Variants in SBNO2 observed in about 807,000 individuals in gnomAD.
SBNO2 encodes strawberry notch homolog 2.
In SBNO2, 89 loss-of-function variants were observed where a neutral mutation model predicts 146.3. The observed-to-expected ratio is 0.61, with a 90% CI of 0.51 to 0.73. The LOEUF (loss-of-function observed/expected upper bound fraction) is 0.73. SBNO2 is among the 30% of genes least tolerant of loss of function. The pLI is 0.00. For synonymous variants in SBNO2, 1,147 were observed against 892.6 expected (o/e 1.29, Z -5.08); for missense variants, 2,092 against 2,003.7 (o/e 1.04, Z -0.84).
At chr19:1,145,828 C>A (rs371063351) in intron 4 of SBNO2, among the ~76,000 whole-genome samples, 7 of 152,246 alleles carry the variant, frequency 4.6e-5, no homozygotes, top group Admixed American at 2.0e-4. Flanking sequence ...AGCCCCTGTG[C>A]GCACCTCGCT....
At chr19:1,152,053 C>T (rs894705521) in intron 2 of SBNO2, among the ~76,000 whole-genome samples, 1 of 152,208 alleles carries the variant, frequency 6.6e-6, no homozygotes, top group African/African-American at 2.4e-5. Context: ...CAGAGGTGTC[C>T]ATGACGTACC....
chr19:1,113,753 G>A, intron 18 of SBNO2, 49 bp from the exon 19 acceptor site: 1 of 1,421,226 alleles, frequency 7.0e-7, no homozygotes, highest in Non-Finnish European at 9.2e-7. Flanking sequence ...CTGCCTTCTA[G>A]GGCCCACCTA....
In SBNO2 at chr19:1,108,404, T is replaced by C. The variant is rs1477275108; in HGVS notation, c.3917A>G (p.Gln1306Arg). 16 of 1,277,404 alleles carry C rather than the reference T, an allele frequency of 1.3e-5. No individual in the cohort carries two copies. Among genetic ancestry groups the C allele is most frequent in the Non-Finnish European group, 1.6e-5 (16 of 1,006,578 alleles). The allele number at this position is 1,277,404 out of a possible 1,614,324, so 79.1% of individuals were successfully genotyped here. Residue 1306 changes from glutamine (Q) to arginine (R), a missense_variant, in exon 32 of 32, where the codon CAG (glutamine) becomes CGG (arginine). Gln to Arg is a conservative substitution (Grantham distance 43). Transcript: ENST00000361757. Reference protein sequence around the residue: ...AQADPAALAHQGCDINFKEVL... With the variant: ...AQADPAALAHRGCDINFKEVL... ...CTCCTTGAAGTTGATGTCGCAGCCCTGGTGCGCGAGGGCCGCAGGGTCGGC... is the reference window on the plus strand; with the variant it reads ...CTCCTTGAAGTTGATGTCGCAGCCCCGGTGCGCGAGGGCCGCAGGGTCGGC...
chr19:1,121,857 G>C (rs893008396), intron 11 of SBNO2, among the ~76,000 whole-genome samples: 2 of 152,190 alleles, frequency 1.3e-5, no homozygotes, highest in Non-Finnish European at 2.9e-5. Flanking sequence ...AATGATGATG[G>C]TCACTTGTGT....
At chr19:1,124,388 G>C (rs1019716396) in intron 5 of SBNO2, among the ~76,000 whole-genome samples, 1 of 152,230 alleles carries the variant, frequency 6.6e-6, no homozygotes. Flanking sequence ...ACAGGGGTCT[G>C]ACAGGAGAGA....
At position 1,144,913 on chromosome 19, in the gene SBNO2, G is replaced by A. The variant is rs1306073988; in HGVS notation, c.279+2396C>T. 6.7e-6 allele frequency among the ~76,000 whole-genome samples: 1 copy of A among 150,264 alleles called. No homozygotes were observed. The highest frequency in any genetic ancestry group is 1.5e-5 in the Non-Finnish European group (1 of 67,652). ...ACAGAGAGACAGAGGCGGAGATGGA[G>A]ACAGAGACAGAGAGACAGAGACAGA... On this transcript the variant is annotated intron_variant, in intron 4 of 31. Transcript: ENST00000361757. This position sits in a 1 kb window ranked among gnomAD's most constrained non-coding sequence, Gnocchi z 4.1.
rs770346573 is a variant in SBNO2, at chr19:1,114,228, C to T, written c.2077+3G>A. The T allele has an allele frequency of 1.2e-5, 18 of 1,470,760 alleles. No homozygotes were observed. Among genetic ancestry groups the T allele is most frequent in the Non-Finnish European group, 1.6e-5 (18 of 1,101,926 alleles). The allele number at this position is 1,470,760 out of a possible 1,614,324, so 91.1% of individuals were successfully genotyped here. ...TGGCTGGCCAGCCTGGGCAAGCCCT[C>T]ACCCCGGTCGTCACTGGGGAGCCCG... On this transcript the variant is annotated splice_donor_region_variant and intron_variant, in intron 18 of 31. Coordinates refer to ENST00000361757, the MANE Select transcript of SBNO2 (RefSeq NM_014963.3).
chr19:1,113,838 G>GCTTC, intron 18 of SBNO2, 134 bp from the exon 19 acceptor site: 2 of 1,179,390 alleles, frequency 1.7e-6, no homozygotes, highest in Non-Finnish European at 1.1e-6. Flanking sequence ...TGGCGGGGAA[G>GCTTC]CCCGGCACCG....
In SBNO2 at chr19:1,109,881, G is replaced by T; in HGVS notation, c.3029-104C>A. 1.3e-6 allele frequency: 1 copy of T among 777,188 alleles called. No homozygotes were observed. The allele number at this position is 777,188 out of a possible 1,614,324, so 48.1% of individuals were successfully genotyped here. The stretch of plus-strand genomic sequence containing the variant: ...GCGCACCCTAGAGACGACCCCCCGA[G>T]AGCACAGGAGAGGGTGTCCTGGATC... On this transcript the variant is annotated intron_variant, in intron 26 of 31. Transcript: ENST00000361757. The surrounding 1 kb of genome is among the most constrained non-coding windows in gnomAD (Gnocchi z 4.2).
intron 18 of SBNO2, 82 bp downstream of exon 18, chr19:1,114,149 G>A (rs1359714273): frequency 1.6e-6 from 2 of 1,272,392 alleles, no homozygotes. Context: ...CCTCAGGCTG[G>A]AATCCTGACC....
chr19:1,136,911 T>C lies in SBNO2; in HGVS notation c.280-9146A>G, dbSNP rs935240396. On this transcript the variant is annotated intron_variant, in intron 4 of 31. Transcript: ENST00000361757. The surrounding 1 kb of genome is among the most constrained non-coding windows in gnomAD (Gnocchi z 4.2). Reference sequence around the variant, plus strand: ...GTTCCCAATGGTCCCTGCAGCCCCATGGGGACCCGGGATGGATGCCCGGCA... The same window carrying C: ...GTTCCCAATGGTCCCTGCAGCCCCACGGGGACCCGGGATGGATGCCCGGCA... Among the ~76,000 whole-genome samples, 5 of 151,800 alleles carry C rather than the reference T, an allele frequency of 3.3e-5. No individual in the cohort carries two copies. The highest frequency in any genetic ancestry group is 1.2e-4 in the African/African-American group (5 of 41,312).
chr19:1,130,055 C>T (rs1486508017), intron 4 of SBNO2, among the ~76,000 whole-genome samples: 1 of 152,190 alleles, frequency 6.6e-6, no homozygotes, highest in East Asian at 1.9e-4. Context: ...CCAGGACCGC[C>T]CAACGCATCT....
intron 4 of SBNO2, among the ~76,000 whole-genome samples, chr19:1,134,567 C>T (rs1056195700): frequency 2.0e-5 from 3 of 151,712 alleles, no homozygotes; most frequent in Non-Finnish European, 4.4e-5. Context: ...TGTGTGAGGC[C>T]ATTTCTATGA....
Position 1,122,580 on chromosome 19 carries a change from C to T in SBNO2, c.915-22G>A, listed in dbSNP as rs377743019. On this transcript the variant is annotated intron_variant, in intron 9 of 31. Coordinates refer to ENST00000361757, the MANE Select transcript of SBNO2 (RefSeq NM_014963.3). The stretch of plus-strand genomic sequence containing the variant: ...GAACCTGCGGGGTGGGGGCGTCAGG[C>T]GCGCCCACCCTTCCCCCTCGCCCCC... The T allele has an allele frequency of 4.0e-4, 616 of 1,521,972 alleles. 4 individuals carry two copies. Among genetic ancestry groups the T allele is most frequent in the South Asian group, 2.9e-3 (238 of 82,840 alleles). 94.3% of individuals were successfully genotyped at this position (1,521,972 alleles called of 1,614,324 possible). A position where few individuals can be genotyped will look rare whatever the true frequency, so the allele number is the denominator to read the frequency against.
At chr19:1,117,270 T>C in intron 15 of SBNO2, 53 bp downstream of exon 15, 1 of 1,497,666 alleles carries the variant, frequency 6.7e-7, no homozygotes, top group East Asian at 2.5e-5. Context: ...AAGAGCAGCC[T>C]CCGCCCCTGC....
chr19:1,171,651 A>G (rs1052332017), intron 1 of SBNO2, among the ~76,000 whole-genome samples: 1 of 152,070 alleles, frequency 6.6e-6, no homozygotes, highest in Non-Finnish European at 1.5e-5. Flanking sequence ...GCGTTTCCGC[A>G]TGGGCCCTGC....
intron 3 of SBNO2, among the ~76,000 whole-genome samples, chr19:1,148,996 C>T (rs561526955): frequency 5.2e-3 from 1 of 194 alleles, no homozygotes. Flanking sequence ...CCCCTTCCCA[C>T]CCTCCTTCAC....
At position 1,109,494 on chromosome 19, in the gene SBNO2, G is replaced by C. The variant is rs530103450; in HGVS notation, c.3216+12C>G. On this transcript the variant is annotated intron_variant, in intron 28 of 31. Transcript: ENST00000361757. The surrounding 1 kb of genome is among the most constrained non-coding windows in gnomAD (Gnocchi z 4.2). ...GGCCCTCCTCTGGGGGGGTAACCCC[G>C]CCCGACCCCACCTTGTAGGAGAGGT... is the stretch of plus-strand genomic sequence containing the variant. 12 of 1,586,672 alleles carry C rather than the reference G, an allele frequency of 7.6e-6. No individual in the cohort carries two copies. The highest frequency in any genetic ancestry group is 1.0e-5 in the Non-Finnish European group (12 of 1,168,092).
chr19:1,159,223 C>T (rs1314220174), intron 1 of SBNO2, among the ~76,000 whole-genome samples: 2 of 151,978 alleles, frequency 1.3e-5, no homozygotes, highest in Non-Finnish European at 2.9e-5. Flanking sequence ...TTTCACAAGG[C>T]TCAGCTAATA....
Sources: gnomAD v4.1 joint callset for allele counts (sites outside exome capture counted in the v4.1 genomes callset) on GRCh38, gnomAD v4.1.1 for gene constraint, Gnocchi (gnomAD v3.1) non-coding constraint, MANE v1.5 for transcripts, NCBI Gene and HGNC (gene_info 2026-07-23, HGNC 2026-07-21) for gene names.